The following PTPRD variants were observed in gnomAD, a reference collection of about 807,000 sequenced individuals.
PTPRD encodes the protein protein tyrosine phosphatase receptor type D, also known as receptor-type tyrosine-protein phosphatase delta.
In PTPRD, 34 loss-of-function variants were observed where a neutral mutation model predicts 214.5. The ratio of observed to expected loss-of-function variants is 0.16; its 90% CI spans 0.12 to 0.21. The LOEUF is 0.21. Among genes scored for constraint, PTPRD ranks in the 10% least tolerant of loss-of-function variants. PTPRD has a pLI of 1.00. For synonymous variants in PTPRD, 1,128 were observed against 845.7 expected (o/e 1.33, Z -5.79); for missense variants, 2,545 against 2,398.7 (o/e 1.06, Z -1.27).
intron 2 of PTPRD, among the ~76,000 whole-genome samples, chr9:10,551,537 T>C (rs138369952): frequency 1.3e-5 from 2 of 152,274 alleles, no homozygotes; most frequent in African/African-American, 2.4e-5. Context: ...ATGGGAATTG[T>C]GCCTTTGTAA....
intron 5 of PTPRD, among the ~76,000 whole-genome samples, chr9:9,902,478 A>G (rs1400877741): frequency 6.6e-6 from 1 of 152,172 alleles, no homozygotes; most frequent in Non-Finnish European, 1.5e-5. Context: ...CATACATCTG[A>G]AGTCATGTAT....
intron 8 of PTPRD, among the ~76,000 whole-genome samples, chr9:9,539,053 G>T (rs1466943013): frequency 6.6e-6 from 1 of 151,820 alleles, no homozygotes; most frequent in East Asian, 1.9e-4. Context: ...TTAAAAAAGA[G>T]AGTTCTGCAC....
At chr9:8,816,506 T>G (rs2096921465) in intron 11 of PTPRD, among the ~76,000 whole-genome samples, 1 of 152,166 alleles carries the variant, frequency 6.6e-6, no homozygotes. Context: ...AAAACAGCGT[T>G]TAGGAAAGGT....
chr9:8,925,528 A>AC (rs2098873241), intron 11 of PTPRD, among the ~76,000 whole-genome samples: 1 of 115,892 alleles, frequency 8.6e-6, no homozygotes, highest in South Asian at 3.1e-4. Context: ...AACAAACAAA[A>AC]AAAACCAACT....
intron 11 of PTPRD, among the ~76,000 whole-genome samples, chr9:8,961,132 A>T (rs1347758058): frequency 1.3e-5 from 2 of 152,116 alleles, no homozygotes. Context: ...AGTGGAAGGA[A>T]CACCTAAGTT....
At chr9:9,335,996 A>G (rs1286668015) in intron 9 of PTPRD, among the ~76,000 whole-genome samples, 1 of 152,140 alleles carries the variant, frequency 6.6e-6, no homozygotes, top group Non-Finnish European at 1.5e-5. Flanking sequence ...GAAATCTAAG[A>G]AATTGGAATT....
chr9:9,461,636 C>T (rs970840245), intron 8 of PTPRD, among the ~76,000 whole-genome samples: 2 of 152,056 alleles, frequency 1.3e-5, no homozygotes, highest in Middle Eastern at 3.2e-3. Context: ...TATACTCATA[C>T]CCTCAAAAGG....
chr9:8,894,280 G>T (rs928939645), intron 11 of PTPRD, among the ~76,000 whole-genome samples: 1 of 146,172 alleles, frequency 6.8e-6, no homozygotes, highest in Non-Finnish European at 1.5e-5. Context: ...GCTTGAACCT[G>T]GGAGGCAGAG....
intron 2 of PTPRD, among the ~76,000 whole-genome samples, chr9:10,423,826 C>A (rs978872916): frequency 2.0e-5 from 3 of 151,904 alleles, no homozygotes; most frequent in Non-Finnish European, 4.4e-5. Context: ...ATTTCCACTG[C>A]ATGTTTTTAG....
chr9:10,424,532 G>A (rs1565946681), intron 2 of PTPRD, among the ~76,000 whole-genome samples: 1 of 151,834 alleles, frequency 6.6e-6, no homozygotes, highest in African/African-American at 2.4e-5. Flanking sequence ...TCAGACAGGG[G>A]AAAGTATCAT....
intron 3 of PTPRD, among the ~76,000 whole-genome samples, chr9:10,318,243 G>C (rs1325749320): frequency 1.3e-5 from 2 of 151,974 alleles, no homozygotes; most frequent in Non-Finnish European, 2.9e-5. Flanking sequence ...TAATAAAATA[G>C]ATAATTTTTC....
At chr9:8,471,160 C>T (rs2096645625) in intron 30 of PTPRD, 75 bp from the exon 31 acceptor site, 2 of 1,289,746 alleles carry the variant, frequency 1.6e-6, no homozygotes, top group African/African-American at 1.5e-5. Context: ...AAACCTTCCA[C>T]AGACCAATGA....
chr9:9,719,937 G>A (rs529241446), intron 7 of PTPRD, among the ~76,000 whole-genome samples: 1 of 152,174 alleles, frequency 6.6e-6, no homozygotes, highest in South Asian at 2.1e-4. Flanking sequence ...TAGCCAACAT[G>A]ACTAACTGTG....
chr9:10,572,981 G>C (rs1489865505), intron 2 of PTPRD, among the ~76,000 whole-genome samples: 2 of 151,594 alleles, frequency 1.3e-5, no homozygotes, highest in African/African-American at 4.9e-5. Flanking sequence ...TCCAGATGAG[G>C]TACTGTATAG....
intron 9 of PTPRD, among the ~76,000 whole-genome samples, chr9:9,281,800 A>G (rs1947787264): frequency 6.6e-6 from 1 of 150,912 alleles, no homozygotes; most frequent in Admixed American, 6.6e-5. Context: ...GAGCACATGA[A>G]TATTCGTAAC....
chr9:9,611,668 T>C lies in PTPRD; in HGVS notation c.-286-36887A>G, dbSNP rs150944270. On this transcript the variant is annotated intron_variant, in intron 7 of 45. Coordinates refer to ENST00000381196, the MANE Select transcript of PTPRD (RefSeq NM_002839.4). ...ACACACACACCCACGTGTGTATCCA[T>C]TGTACAATCATTGACATATGTATGT... 8.2e-3 allele frequency among the ~76,000 whole-genome samples: 1,244 copies of C among 152,190 alleles called. 12 individuals are homozygous for C. The highest frequency in any genetic ancestry group is 0.015 in the Admixed American group (223 of 15,282).
chr9:9,727,989 C>T lies in PTPRD; in HGVS notation c.-287+6544G>A, dbSNP rs140167655. Among the ~76,000 whole-genome samples the T allele has an allele frequency of 5.1e-4, 77 of 152,194 alleles. 1 individual carries two copies. In the East Asian group the frequency reaches 0.015, roughly 29 times the overall value. On this transcript the variant is annotated intron_variant, in intron 7 of 45. Transcript: ENST00000381196. The stretch of plus-strand genomic sequence containing the variant: ...TAATTCCCATGTGTTGTGAGAGGGA[C>T]CCATGGGGAGGCAATTGAATCATGG...
At chr9:9,756,277 C>A (rs775592083) in intron 6 of PTPRD, among the ~76,000 whole-genome samples, 8 of 152,106 alleles carry the variant, frequency 5.3e-5, no homozygotes, top group Admixed American at 1.3e-4. Context: ...TCTATGGTTT[C>A]TCTCTCAGTA....
At chr9:8,468,583 C>G (rs191849188) in intron 31 of PTPRD, among the ~76,000 whole-genome samples, 8 of 151,964 alleles carry the variant, frequency 5.3e-5, no homozygotes, top group Non-Finnish European at 7.4e-5. Flanking sequence ...TGGAAAGCCT[C>G]TTTCAATTTC....
Sources: gnomAD v4.1 joint callset for allele counts (sites outside exome capture counted in the v4.1 genomes callset) on GRCh38, gnomAD v4.1.1 for gene constraint, MANE v1.5 for transcripts, NCBI Gene and HGNC (gene_info 2026-07-23, HGNC 2026-07-21) for gene names.